TUBB: variants seen among roughly 807,000 people sequenced by gnomAD.
TUBB encodes the protein tubulin beta chain.
A neutral mutation model predicts 35.1 loss-of-function variants in TUBB; 2 were observed. That is an observed-to-expected ratio of 0.06 (90% CI 0.02 to 0.18). The LOEUF (loss-of-function observed/expected upper bound fraction) is 0.18, where lower values mean the gene tolerates loss of function less well. Ranked by LOEUF, TUBB falls within the 10% of genes least tolerant of loss-of-function variation. TUBB has a pLI of 1.00. For missense variants in TUBB, 50 were observed against 599.4 expected (o/e 0.08, Z 9.57); for synonymous variants, 205 against 223.8 (o/e 0.92, Z 0.75).
At chr6:30,721,904 C>A in intron 1 of TUBB, 1 of 985,270 alleles carries the variant, frequency 1.0e-6, no homozygotes, top group Non-Finnish European at 1.2e-6. Flanking sequence ...CCGAGGTGGG[C>A]GAATTGGGAT....
Position 30,720,382 on chromosome 6 carries a change from A to C in TUBB, c.-125A>C. 1 of 898,204 alleles carries C rather than the reference A, an allele frequency of 1.1e-6. No individual in the cohort carries two copies. Among genetic ancestry groups the C allele is most frequent in the Non-Finnish European group, 1.8e-6 (1 of 546,746 alleles). The allele number at this position is 898,204 out of a possible 1,614,324, so 55.6% of individuals were successfully genotyped here. On this transcript the variant is annotated 5_prime_UTR_variant, in exon 1 of 4. Transcript: ENST00000327892. ...AGAACCTTCCTGCCGTCGCGTTTGC[A>C]CCTCGCTGCTCCAGCCTCTGGGGCG...
rs1281338522 is a variant in TUBB at position 30,724,749 on chromosome 6, T to C, written c.*352T>C. 6.8e-6 allele frequency: 2 copies of C among 293,174 alleles called. No homozygotes were observed. 18.2% of individuals were successfully genotyped at this position (293,174 alleles called of 1,614,324 possible). On this transcript the variant is annotated 3_prime_UTR_variant, in exon 4 of 4. Transcript: ENST00000327892. This position sits in a 1 kb window ranked among gnomAD's most constrained non-coding sequence, Gnocchi z 4.4. ...GAACCAACCAGGTGCTGAAAACACA[T>C]GTAGATAATGGCCATCATCCTAAGC...
At position 30,721,473 on chromosome 6, in the gene TUBB, C is replaced by T. The variant is rs570520136; in HGVS notation, c.57+910C>T. ...CGCGCGGGGACAATGCGGCGTTGCC[C>T]GCCGGCAGGGGCGCGCTACCTTGGG... On this transcript the variant is annotated intron_variant, in intron 1 of 3. Transcript: ENST00000327892. The T allele has an allele frequency of 8.3e-3, 7,378 of 890,632 alleles. 40 individuals are homozygous for T. Among genetic ancestry groups the T allele is most frequent in the Admixed American group, 1.0e-2 (161 of 16,146 alleles). 55.2% of individuals were successfully genotyped at this position (890,632 alleles called of 1,614,324 possible).
chr6:30,723,247 C>A (rs1383636733), intron 3 of TUBB, 93 bp from the exon 4 acceptor site: 67 of 1,116,610 alleles, frequency 6.0e-5, no homozygotes, highest in Non-Finnish European at 8.2e-5. Context: ...AAAGAAGATA[C>A]ATCCGAGGGA....
At chr6:30,722,174 G>T in intron 1 of TUBB, 1 of 241,878 alleles carries the variant, frequency 4.1e-6, no homozygotes, top group South Asian at 4.7e-5. Context: ...AGCTGGGCGC[G>T]GTGGCTCACC....
chr6:30,720,400 C>T lies in TUBB; in HGVS notation c.-107C>T. 9.1e-7 allele frequency: 1 copy of T among 1,096,110 alleles called. No homozygotes were observed. The allele number at this position is 1,096,110 out of a possible 1,614,324, so 67.9% of individuals were successfully genotyped here. A position where few individuals can be genotyped will look rare whatever the true frequency, so the allele number is the denominator to read the frequency against. ...CGTTTGCACCTCGCTGCTCCAGCCTCTGGGGCGCATTCCAACCTTCCAGCC... is the reference window on the plus strand; with the variant it reads ...CGTTTGCACCTCGCTGCTCCAGCCTTTGGGGCGCATTCCAACCTTCCAGCC... On this transcript the variant is annotated 5_prime_UTR_variant, in exon 1 of 4. Transcript: ENST00000327892.
chr6:30,721,643 C>G (rs1018177907), intron 1 of TUBB: 1 of 985,460 alleles, frequency 1.0e-6, no homozygotes, highest in Non-Finnish European at 1.2e-6. Flanking sequence ...TCCTCAGACC[C>G]CCAGCCTTTT....
intron 1 of TUBB, 178 bp from the exon 2 acceptor site, chr6:30,722,359 C>G (rs1776338270): frequency 1.7e-6 from 1 of 587,662 alleles, no homozygotes; most frequent in Non-Finnish European, 3.1e-6. Context: ...AGGAGAATCG[C>G]TTGAACCCGG....
rs1326075472 is a variant in TUBB at position 30,724,519 on chromosome 6, G to T, written c.*122G>T. On this transcript the variant is annotated 3_prime_UTR_variant, in exon 4 of 4. Coordinates refer to ENST00000327892, the MANE Select transcript of TUBB (RefSeq NM_178014.4). The surrounding 1 kb of genome is among the most constrained non-coding windows in gnomAD (Gnocchi z 4.4). ...TCTTGTTTTTTGTTTTTTCTTCTGG[G>T]GGGGGTCTAGAACAGTGCCTGGCAC... is the stretch of plus-strand genomic sequence containing the variant. The T allele has an allele frequency of 5.7e-6, 5 of 872,186 alleles. No individual in the cohort carries two copies. The Admixed American group carries it at 1.4e-4, about 25-fold the overall frequency. The allele number at this position is 872,186 out of a possible 1,614,324, so 54.0% of individuals were successfully genotyped here. A position where few individuals can be genotyped will look rare whatever the true frequency, so the allele number is the denominator to read the frequency against.
chr6:30,721,634 CCT>C (rs1409963054), intron 1 of TUBB: 2 of 985,302 alleles, frequency 2.0e-6, no homozygotes, highest in East Asian at 2.3e-4. Context: ...GCAGCTCTTT[CCT>C]CAGACCCCCA....
intron 1 of TUBB, chr6:30,722,035 C>T (rs1776310848): frequency 1.1e-5 from 4 of 352,056 alleles, no homozygotes; most frequent in Middle Eastern, 1.4e-3. Flanking sequence ...CGTCTGTGGT[C>T]CCAGCTACTC....
rs1363173590 is a variant in TUBB, at chr6:30,720,518, C to T, written c.12C>T (p.Ile4=). Residue 4 remains isoleucine (I), a synonymous_variant, in exon 1 of 4, where the codon ATC becomes ATT. Coordinates refer to ENST00000327892, the MANE Select transcript of TUBB (RefSeq NM_178014.4). ...ATTAAATTTTAACCATGAGGGAAATCGTGCACATCCAGGCTGGTCAGTGTG... is the reference window on the plus strand; with the variant it reads ...ATTAAATTTTAACCATGAGGGAAATTGTGCACATCCAGGCTGGTCAGTGTG... The part of the protein sequence containing the change: MRE[I]VHIQAGQCGN... The T allele has an allele frequency of 2.5e-6, 4 of 1,613,932 alleles. No individual in the cohort carries two copies. The highest frequency in any genetic ancestry group is 3.4e-6 in the Non-Finnish European group (4 of 1,179,934).
intron 1 of TUBB, chr6:30,721,570 C>G (rs1174539829): frequency 3.0e-6 from 3 of 985,256 alleles, no homozygotes; most frequent in African/African-American, 3.5e-5. Flanking sequence ...GGCGGCTCGA[C>G]CTGCGCGTGC....
intron 1 of TUBB, 41 bp downstream of exon 1, chr6:30,720,604 A>G (rs1311998807): frequency 1.6e-5 from 26 of 1,583,058 alleles, no homozygotes; most frequent in Non-Finnish European, 2.2e-5. Context: ...TTACAAGGAA[A>G]AATCCAGGTA....
intron 1 of TUBB, chr6:30,721,965 C>A: frequency 1.1e-6 from 1 of 873,326 alleles, no homozygotes; most frequent in Non-Finnish European, 1.4e-6. Flanking sequence ...GCGAGACCCT[C>A]CCCCATGCCA....
At chr6:30,721,432 G>C (rs1776233282) in intron 1 of TUBB, 1 of 422,042 alleles carries the variant, frequency 2.4e-6, no homozygotes, top group African/African-American at 2.1e-5. Flanking sequence ...GCGGGGCGGG[G>C]CCGGGGCGCC....
Position 30,724,624 on chromosome 6 carries a change from T to A in TUBB, c.*227T>A. 2 of 539,064 alleles carry A rather than the reference T, an allele frequency of 3.7e-6. No individual in the cohort carries two copies. The highest frequency in any genetic ancestry group is 6.5e-6 in the Non-Finnish European group (2 of 307,552). 33.4% of individuals were successfully genotyped at this position (539,064 alleles called of 1,614,324 possible). ...TCTGGGAAACCTAGGTTTCTGCCAT[T>A]CTGGGTGACCCTGTATTTCTTTCTG... On this transcript the variant is annotated 3_prime_UTR_variant, in exon 4 of 4. Coordinates refer to ENST00000327892, the MANE Select transcript of TUBB (RefSeq NM_178014.4). The surrounding 1 kb of genome is among the most constrained non-coding windows in gnomAD (Gnocchi z 4.4).
In TUBB at chr6:30,723,683, C is replaced by G. The variant is rs1776440453; in HGVS notation, c.621C>G (p.Leu207=). ...DETYCIDNEA[L]YDICFRTLKL... is the part of the protein sequence containing the mutation. ...CCTATTGCATTGACAACGAGGCCCT[C>G]TATGATATCTGCTTCCGCACTCTGA... The change falls in exon 4 of 4, where the codon CTC becomes CTG. Residue 207 remains leucine, a synonymous_variant. Coordinates refer to ENST00000327892, the MANE Select transcript of TUBB (RefSeq NM_178014.4). 4 of 1,614,222 alleles carry G rather than the reference C, an allele frequency of 2.5e-6. No homozygotes were observed. In the African/African-American group the frequency reaches 4.0e-5, roughly 16 times the overall value.
chr6:30,723,694 G>C lies in TUBB; in HGVS notation c.632G>C (p.Cys211Ser). 1 of 1,614,200 alleles carries C rather than the reference G, an allele frequency of 6.2e-7. No individual in the cohort carries two copies. Among genetic ancestry groups the C allele is most frequent in the Non-Finnish European group, 8.5e-7 (1 of 1,180,052 alleles). The change falls in exon 4 of 4, where the codon TGC (cysteine) becomes TCC (serine). Residue 211 changes from cysteine to serine, a missense_variant. Cys to Ser is a moderately radical substitution (Grantham distance 112). This residue lies in a region of TUBB where 38 missense variants were observed against 578.9 expected (regional missense o/e 0.07). Transcript: ENST00000327892. ...CIDNEALYDI[C>S]FRTLKLTTPT... ...GACAACGAGGCCCTCTATGATATCT[G>C]CTTCCGCACTCTGAAGCTGACCACA...
Sources: gnomAD v4.1 joint callset for allele counts on GRCh38, gnomAD v4.1.1 for gene constraint, gnomAD v4.1.1 regional missense constraint, Gnocchi (gnomAD v3.1) non-coding constraint, MANE v1.5 for transcripts, NCBI Gene and HGNC (gene_info 2026-07-23, HGNC 2026-07-21) for gene names.